NMNAT1: variants seen among roughly 807,000 people sequenced by gnomAD.
NMNAT1 encodes nicotinamide/nicotinic acid mononucleotide adenylyltransferase 1.
NMNAT1 carries 11 observed loss-of-function variants against 16.7 expected under a neutral mutation model. The ratio of observed to expected loss-of-function variants is 0.66; its 90% confidence interval spans 0.41 to 1.09. The LOEUF (loss-of-function observed/expected upper bound fraction) is 1.09, where lower values mean the gene tolerates loss of function less well. Among genes scored for constraint, NMNAT1 ranks in the 50% least tolerant of loss-of-function variants. NMNAT1 has a pLI of 0.00. For missense variants in NMNAT1, 280 were observed against 332.3 expected, an observed-to-expected ratio of 0.84 and a Z score of 1.22; for synonymous variants, 110 against 119.8, an observed-to-expected ratio of 0.92 and a Z score of 0.53.
At chr1:9,987,652 T>G (rs2101722086), downstream of NMNAT1, among the ~76,000 whole-genome samples, 1 of 151,482 alleles carries the variant, frequency 6.6e-6, no homozygotes, top group Non-Finnish European at 1.5e-5. Flanking sequence ...AATAAATAAA[T>G]AAATAAATTA....
Position 9,982,705 on chromosome 1 carries a change from T to A in NMNAT1, c.*4T>A, listed in dbSNP as rs1641975947. On this transcript the variant is annotated 3_prime_UTR_variant, in exon 5 of 5. Coordinates refer to ENST00000377205, the MANE Select transcript of NMNAT1 (RefSeq NM_022787.4). Reference sequence around the variant, plus strand: ...CACTGCAGAAGCTAAGACATAGGAATTCTACAGCATGATATTTCAGACTTC... The same window carrying A: ...CACTGCAGAAGCTAAGACATAGGAAATCTACAGCATGATATTTCAGACTTC... 6.9e-6 allele frequency: 11 copies of A among 1,584,150 alleles called. No individual in the cohort carries two copies. In the East Asian group the frequency reaches 2.5e-4, roughly 36 times the overall value.
At chr1:9,986,527 T>G (rs1207228429), downstream of NMNAT1, among the ~76,000 whole-genome samples, 1 of 150,862 alleles carries the variant, frequency 6.6e-6, no homozygotes, top group Non-Finnish European at 1.5e-5. Flanking sequence ...AGCCCAGGAG[T>G]TCAAGAACAG....
chr1:9,988,766 A>G (rs1289416963), downstream of NMNAT1, among the ~76,000 whole-genome samples: 1 of 150,712 alleles, frequency 6.6e-6, no homozygotes, highest in African/African-American at 2.4e-5. Flanking sequence ...CGCAGGTTCA[A>G]GTGATTCTCG....
Position 9,982,932 on chromosome 1 carries a change from C to T in NMNAT1, c.*231C>T, listed in dbSNP as rs1641979841. On this transcript the variant is annotated 3_prime_UTR_variant, in exon 5 of 5. Coordinates refer to ENST00000377205, the MANE Select transcript of NMNAT1 (RefSeq NM_022787.4). Reference sequence around the variant, plus strand: ...ACCATCCTGGCCAATATGGTGAAACCCCATCTCTACTAAAAATACAAAAAT... The same window carrying T: ...ACCATCCTGGCCAATATGGTGAAACTCCATCTCTACTAAAAATACAAAAAT... 3 of 371,898 alleles carry T rather than the reference C, an allele frequency of 8.1e-6. No individual in the cohort carries two copies. The highest frequency in any genetic ancestry group is 1.5e-5 in the Non-Finnish European group (3 of 202,238). The allele number at this position is 371,898 out of a possible 1,614,324, so 23.0% of individuals were successfully genotyped here.
chr1:9,995,625 C>T, the NMNAT1 span, among the ~76,000 whole-genome samples: 3 of 151,294 alleles, frequency 2.0e-5, no homozygotes, highest in Non-Finnish European at 2.9e-5. Flanking sequence ...ACCCAAGAGG[C>T]GGAGGTTGCA....
chr1:9,989,719 G>A (rs1002130838), downstream of NMNAT1, among the ~76,000 whole-genome samples: 1 of 152,132 alleles, frequency 6.6e-6, no homozygotes, highest in Non-Finnish European at 1.5e-5. Context: ...ATTCATTTGT[G>A]CTACCTCATT....
chr1:9,994,392 C>G, the NMNAT1 span, among the ~76,000 whole-genome samples: 1 of 151,542 alleles, frequency 6.6e-6, no homozygotes, highest in Non-Finnish European at 1.5e-5. Flanking sequence ...GGATTACGAA[C>G]GTGAGCCACT....
chr1:9,972,707 C>T (rs944666787), intron 2 of NMNAT1, among the ~76,000 whole-genome samples: 1 of 152,084 alleles, frequency 6.6e-6, no homozygotes, highest in Non-Finnish European at 1.5e-5. Flanking sequence ...CCTGTAATCC[C>T]AGTGCTTTGG....
chr1:9,946,350 G>T (rs919319846), intron 1 of NMNAT1, among the ~76,000 whole-genome samples: 6 of 152,328 alleles, frequency 3.9e-5, no homozygotes, highest in African/African-American at 1.4e-4. Flanking sequence ...TGTTAGGTAG[G>T]AAACCATGGG....
chr1:9,944,619 G>A (rs958308473), intron 1 of NMNAT1, among the ~76,000 whole-genome samples: 1 of 152,116 alleles, frequency 6.6e-6, no homozygotes, highest in African/African-American at 2.4e-5. Context: ...GGGCTCAAGC[G>A]ATCCTCTGGC....
chr1:9,965,612 A>C (rs1019547528), intron 1 of NMNAT1, among the ~76,000 whole-genome samples: 2 of 151,970 alleles, frequency 1.3e-5, no homozygotes, highest in South Asian at 4.2e-4. Context: ...CATGTTGGTC[A>C]AGCTGGTCTT....
chr1:9,989,667 C>G (rs1642085720), downstream of NMNAT1, among the ~76,000 whole-genome samples: 1 of 152,152 alleles, frequency 6.6e-6, no homozygotes, highest in South Asian at 2.1e-4. Flanking sequence ...CACTGAGAGT[C>G]ACTTTCATTG....
the NMNAT1 span, among the ~76,000 whole-genome samples, chr1:9,991,163 T>C: frequency 6.7e-6 from 1 of 150,262 alleles, no homozygotes; most frequent in Non-Finnish European, 1.5e-5. Context: ...TTTCTGCATA[T>C]CCTGTTCTCT....
the NMNAT1 span, among the ~76,000 whole-genome samples, chr1:9,994,464 C>T: frequency 7.5e-3 from 1,122 of 148,742 alleles, 17 homozygotes; most frequent in African/African-American, 0.027. Context: ...GAGTTTGGCT[C>T]GTGTTGCCCA....
In NMNAT1 at chr1:9,951,455, G is replaced by GTTTT. The variant is rs372572948; in HGVS notation, c.-57+7946_-57+7949dup. Among the ~76,000 whole-genome samples the GTTTT allele has an allele frequency of 6.7e-5, 9 of 134,636 alleles. No individual in the cohort carries two copies. The East Asian group carries it at 8.8e-4, about 13-fold the overall frequency. 88.3% of individuals were successfully genotyped at this position (134,636 alleles called of 152,430 possible). On this transcript the variant is annotated intron_variant, in intron 1 of 4. Transcript: ENST00000377205. ...TGCCAAACCCAATCCAACAGCTTCA[G>GTTTT]TTTTTTTTTGTTGTTGTTGTTGTTG...
At chr1:9,973,310 G>T (rs1248824636) in intron 2 of NMNAT1, among the ~76,000 whole-genome samples, 3 of 152,026 alleles carry the variant, frequency 2.0e-5, no homozygotes, top group African/African-American at 7.2e-5. Flanking sequence ...TAGCGACGGG[G>T]TTTCTCCATG....
At chr1:9,967,091 G>T (rs901443016) in intron 1 of NMNAT1, among the ~76,000 whole-genome samples, 6 of 152,022 alleles carry the variant, frequency 3.9e-5, no homozygotes, top group African/African-American at 1.4e-4. Flanking sequence ...GGGCATGTTG[G>T]CAGGCATCTA....
intron 1 of NMNAT1, among the ~76,000 whole-genome samples, chr1:9,949,171 G>A (rs1414518326): frequency 6.6e-6 from 1 of 150,974 alleles, no homozygotes; most frequent in African/African-American, 2.4e-5. Flanking sequence ...GTGGGAGGCT[G>A]AGGCAGAATC....
chr1:9,944,492 T>G (rs1048450334), intron 1 of NMNAT1, among the ~76,000 whole-genome samples: 2 of 152,188 alleles, frequency 1.3e-5, no homozygotes, highest in African/African-American at 4.8e-5. Context: ...CATGGTAGAA[T>G]TGTTTCATCA....
Sources: gnomAD v4.1 joint callset for allele counts (sites outside exome capture counted in the v4.1 genomes callset) on GRCh38, gnomAD v4.1.1 for gene constraint, MANE v1.5 for transcripts, NCBI Gene and HGNC (gene_info 2026-07-23, HGNC 2026-07-21) for gene names.